The following BOP1 variants were observed in gnomAD, a reference collection of about 807,000 sequenced individuals.
BOP1 encodes ribosome biogenesis protein BOP1.
In BOP1, 54 loss-of-function variants were observed where a neutral mutation model predicts 82.9. The observed-to-expected ratio is 0.65, with a 90% CI of 0.52 to 0.82. The LOEUF is 0.82. BOP1 is among the 40% of genes least tolerant of loss of function. The pLI, the probability that BOP1 is intolerant of heterozygous loss-of-function variation, is 0.00. For synonymous variants in BOP1, 566 were observed against 451.1 expected (o/e 1.25, Z -3.23); for missense variants, 1,170 against 1,072.0 (o/e 1.09, Z -1.28).
At chr8:144,288,259 G>A (rs1263509651) in intron 2 of BOP1, among the ~76,000 whole-genome samples, 4 of 146,356 alleles carry the variant, frequency 2.7e-5, no homozygotes, top group Non-Finnish European at 6.0e-5. Flanking sequence ...AACAGAGCAA[G>A]ACTCTGTCTT....
chr8:144,281,046 A>ACTTTCGTACCAGGTCTTC lies in BOP1; in HGVS notation c.310-4743_310-4742insGAAGACCTGGTACGAAAG, dbSNP rs1845665849. On this transcript the variant is annotated intron_variant, in intron 2 of 15. Transcript: ENST00000569669. The stretch of plus-strand genomic sequence containing the variant: ...TTCTCTCACTTTAATACCAGGTCTT[A>ACTTTCGTACCAGGTCTTC]GGCCTTCTCTCACTTTCATACCAGG... Among the ~76,000 whole-genome samples the ACTTTCGTACCAGGTCTTC allele has an allele frequency of 3.9e-4, 19 of 49,026 alleles. 1 individual carries two copies. Among genetic ancestry groups the ACTTTCGTACCAGGTCTTC allele is most frequent in the African/African-American group, 1.8e-3 (19 of 10,446 alleles). 32.2% of individuals were successfully genotyped at this position (49,026 alleles called of 152,430 possible).
intron 2 of BOP1, among the ~76,000 whole-genome samples, chr8:144,279,974 C>A (rs1845643181): frequency 6.6e-6 from 1 of 152,212 alleles, no homozygotes; most frequent in Non-Finnish European, 1.5e-5. Context: ...CGATCTTCCT[C>A]AGGTGGAATG....
chr8:144,283,850 G>C (rs1814785877), intron 2 of BOP1, among the ~76,000 whole-genome samples: 1 of 152,152 alleles, frequency 6.6e-6, no homozygotes, highest in South Asian at 2.1e-4. Context: ...AGGTGCGGCG[G>C]CTCACGCCTG....
chr8:144,280,960 C>T (rs1554838830), intron 2 of BOP1, among the ~76,000 whole-genome samples: 1 of 150,446 alleles, frequency 6.6e-6, no homozygotes, highest in Non-Finnish European at 1.5e-5. Context: ...GGTCTTTGGC[C>T]TTCTCTCACT....
chr8:144,262,835 AC>A lies in BOP1; in HGVS notation c.1894+17del. 2.0e-6 allele frequency: 1 copy of A among 496,240 alleles called. No individual in the cohort carries two copies. Among genetic ancestry groups the A allele is most frequent in the Non-Finnish European group, 3.1e-6 (1 of 324,522 alleles). 30.7% of individuals were successfully genotyped at this position (496,240 alleles called of 1,614,324 possible). A position where few individuals can be genotyped will look rare whatever the true frequency, so the allele number is the denominator to read the frequency against. On this transcript the variant is annotated intron_variant, in intron 13 of 15. Transcript: ENST00000569669. ...CCCCCACCCCTCACCTGCAGGGTGC[AC>A]CGCCCCCACCCCTCACCTGCAGGGT...
chr8:144,268,687 G>A (rs1027433406), intron 3 of BOP1, among the ~76,000 whole-genome samples: 24 of 152,272 alleles, frequency 1.6e-4, no homozygotes, highest in Admixed American at 3.3e-4. Flanking sequence ...GCCTCATATC[G>A]GGAAGCTGTG....
chr8:144,262,567 T>A, intron 14 of BOP1, 21 bp downstream of exon 14: 1 of 1,612,966 alleles, frequency 6.2e-7, no homozygotes, highest in Non-Finnish European at 8.5e-7. Context: ...GCTGGCCGCC[T>A]CCACCCCCAG....
intron 3 of BOP1, among the ~76,000 whole-genome samples, chr8:144,273,950 T>C (rs981727465): frequency 6.6e-6 from 1 of 152,162 alleles, no homozygotes; most frequent in African/African-American, 2.4e-5. Context: ...GAGGGGCTGC[T>C]CAGGTCTTCA....
intron 4 of BOP1, 34 bp from the exon 5 acceptor site, chr8:144,264,865 CCCCACCCCTCGGG>C (rs1845319656): frequency 6.2e-7 from 1 of 1,607,896 alleles, no homozygotes; most frequent in Admixed American, 1.7e-5. Context: ...GCCAGCCCTG[CCCCACCCCTCGGG>C]CCCACCCCGG....
chr8:144,266,857 G>A, intron 3 of BOP1: 1 of 1,410,836 alleles, frequency 7.1e-7, no homozygotes, highest in Non-Finnish European at 9.3e-7. Context: ...CACGGCGAAC[G>A]CGCGCGAGCG....
intron 13 of BOP1, 61 bp downstream of exon 13, chr8:144,262,792 C>T (rs1845247115): frequency 1.1e-6 from 1 of 920,160 alleles, no homozygotes; most frequent in Middle Eastern, 3.6e-4. Flanking sequence ...CCCTCACCTG[C>T]AGGGTACACC....
Position 144,289,110 on chromosome 8 carries a change from A to G in BOP1, c.294T>C (p.Thr98=), listed in dbSNP as rs1554839794. ...DEGHSGIKKT[T]EEQVQASTPC... ...GCTCACCCACCTGCACCTGCTCCTC[A>G]GTGGTCTTTTTAATCCCACTGTGGC... is the stretch of plus-strand genomic sequence containing the variant. Residue 98 remains threonine (T), a synonymous_variant, in exon 2 of 16, where the codon ACT becomes ACC. Transcript: ENST00000569669. The G allele has an allele frequency of 6.2e-7, 1 of 1,614,092 alleles. No homozygotes were observed. Among genetic ancestry groups the G allele is most frequent in the Non-Finnish European group, 8.5e-7 (1 of 1,180,016 alleles).
chr8:144,267,685 C>T (rs910929756), intron 3 of BOP1, among the ~76,000 whole-genome samples: 22 of 152,002 alleles, frequency 1.4e-4, no homozygotes, highest in African/African-American at 5.1e-4. Context: ...TAGGGCTGCC[C>T]GAGACGTGGG....
intron 2 of BOP1, among the ~76,000 whole-genome samples, chr8:144,288,615 G>A (rs1554839728): frequency 6.6e-6 from 1 of 152,202 alleles, no homozygotes; most frequent in Non-Finnish European, 1.5e-5. Context: ...AGAGTAGGGT[G>A]CATCCTCCCC....
intron 3 of BOP1, among the ~76,000 whole-genome samples, chr8:144,275,151 G>C (rs1304381689): frequency 6.6e-6 from 1 of 152,050 alleles, no homozygotes; most frequent in Non-Finnish European, 1.5e-5. Flanking sequence ...CCCGGGGACA[G>C]TTCCTGACAG....
At chr8:144,278,465 T>G (rs902417694) in intron 2 of BOP1, among the ~76,000 whole-genome samples, 8 of 152,206 alleles carry the variant, frequency 5.3e-5, no homozygotes, top group Middle Eastern at 3.2e-3. Flanking sequence ...AGCCAGGCCG[T>G]GCCCCACTGC....
intron 2 of BOP1, among the ~76,000 whole-genome samples, chr8:144,281,120 T>TC (rs1845670598): frequency 1.4e-5 from 2 of 144,624 alleles, no homozygotes; most frequent in African/African-American, 5.1e-5. Flanking sequence ...CTTCTCTCAG[T>TC]TTAATACCAG....
At chr8:144,275,503 T>C (rs1490693278) in intron 3 of BOP1, among the ~76,000 whole-genome samples, 2 of 149,456 alleles carry the variant, frequency 1.3e-5, no homozygotes, top group African/African-American at 4.9e-5. Context: ...CTCTCCACGC[T>C]GGCGGAGCCC....
intron 3 of BOP1, chr8:144,268,327 G>C: frequency 1.2e-6 from 1 of 808,474 alleles, no homozygotes; most frequent in South Asian, 1.8e-5. Flanking sequence ...CCGGCAGCGG[G>C]ACTCTGCGCT....
Sources: allele counts gnomAD v4.1 joint callset (sites outside exome capture counted in the v4.1 genomes callset), GRCh38; gene constraint gnomAD v4.1.1; transcripts MANE v1.5; gene names NCBI Gene and HGNC (gene_info 2026-07-23, HGNC 2026-07-21).